The following GBF1 variants were observed in gnomAD, a reference collection of about 807,000 sequenced individuals.
GBF1 encodes the protein Golgi-specific brefeldin A-resistance guanine nucleotide exchange factor 1.
In GBF1, 114 loss-of-function variants were observed where a neutral mutation model predicts 210.5. The ratio of observed to expected loss-of-function variants is 0.54; its 90% CI spans 0.47 to 0.63. The LOEUF (loss-of-function observed/expected upper bound fraction) is 0.63. GBF1 is among the 30% of genes least tolerant of loss of function. GBF1 has a pLI of 0.00. For synonymous variants in GBF1, 850 were observed against 889.2 expected (o/e 0.96, Z 0.78); for missense variants, 1,851 against 2,357.7 (o/e 0.79, Z 4.45).
At chr10:102,238,567 C>T in the GBF1 span, among the ~76,000 whole-genome samples, 1 of 152,212 alleles carries the variant, frequency 6.6e-6, no homozygotes, top group Non-Finnish European at 1.5e-5. Flanking sequence ...GATTAGGCTG[C>T]TCTAAGTCTC....
intron 3 of GBF1, among the ~76,000 whole-genome samples, chr10:102,331,339 A>T (rs17780834): frequency 0.041 from 6,197 of 152,192 alleles, 181 homozygotes; most frequent in Non-Finnish European, 0.06. Flanking sequence ...TCCATAAAGT[A>T]CTTATCAGTG....
intron 3 of GBF1, among the ~76,000 whole-genome samples, chr10:102,289,472 C>A (rs561152161): frequency 6.6e-6 from 1 of 152,304 alleles, no homozygotes; most frequent in Admixed American, 6.5e-5. Flanking sequence ...CGCCTGTAAT[C>A]CCAGCTACTT....
In GBF1 at chr10:102,260,030, TTAATC is replaced by T; in HGVS notation, c.97-17_97-13del. ...TCTTTTGGCCCAATAATGACTTACT[TTAATC>T]TATGTGTTCTACAGGATGAAGAACG... On this transcript the variant is annotated splice_polypyrimidine_tract_variant and intron_variant, in intron 2 of 39. Transcript: ENST00000369983. 6.9e-7 allele frequency: 1 copy of T among 1,458,456 alleles called. No individual in the cohort carries two copies. 90.3% of individuals were successfully genotyped at this position (1,458,456 alleles called of 1,614,324 possible).
chr10:102,244,436 A>C (rs1043548639), upstream of GBF1, among the ~76,000 whole-genome samples: 6 of 152,178 alleles, frequency 3.9e-5, no homozygotes, highest in Admixed American at 1.3e-4. Context: ...TCCTCTTCTC[A>C]CGCATTCTCA....
intron 32 of GBF1, 55 bp from the exon 33 acceptor site, chr10:102,376,880 G>A: frequency 1.2e-6 from 2 of 1,601,358 alleles, no homozygotes; most frequent in Admixed American, 1.7e-5. Context: ...AGAAAAGGCA[G>A]GGTATCTATG....
chr10:102,286,802 T>G (rs1395791152), intron 3 of GBF1, among the ~76,000 whole-genome samples: 2 of 152,228 alleles, frequency 1.3e-5, no homozygotes, highest in Admixed American at 6.5e-5. Context: ...TAGACATATA[T>G]CTCTGGGGAT....
intron 29 of GBF1, among the ~76,000 whole-genome samples, chr10:102,373,158 G>A (rs948822870): frequency 2.6e-5 from 4 of 152,194 alleles, no homozygotes; most frequent in East Asian, 1.9e-4. Context: ...AAACACAACA[G>A]TGATAAAACA....
At chr10:102,282,599 T>C (rs1589475414) in intron 3 of GBF1, among the ~76,000 whole-genome samples, 1 of 152,236 alleles carries the variant, frequency 6.6e-6, no homozygotes, top group African/African-American at 2.4e-5. Flanking sequence ...TTGATTCTGC[T>C]ATGTCTACCA....
intron 3 of GBF1, among the ~76,000 whole-genome samples, chr10:102,290,339 A>C (rs565050103): frequency 6.6e-6 from 1 of 152,240 alleles, no homozygotes; most frequent in East Asian, 1.9e-4. Context: ...TTTTCCATGC[A>C]TTTACCTAAT....
intron 3 of GBF1, among the ~76,000 whole-genome samples, chr10:102,295,613 G>A (rs1342280631): frequency 1.3e-5 from 2 of 152,136 alleles, no homozygotes; most frequent in Admixed American, 1.3e-4. Context: ...AACAAGATAA[G>A]CCCTAAGTTG....
chr10:102,370,050 C>G (rs1418187571), intron 26 of GBF1, 66 bp downstream of exon 26: 2 of 1,586,800 alleles, frequency 1.3e-6, no homozygotes, highest in African/African-American at 2.7e-5. Flanking sequence ...ACTTGGTGAA[C>G]TGAAGAATAA....
Position 102,366,960 on chromosome 10 carries a change from G to T in GBF1, c.2434-125G>T. The stretch of plus-strand genomic sequence containing the variant: ...GAGATCAGCTTCTGTTAAGGAGTTG[G>T]CAAGAGACTGGCCACTTTCTGGATG... On this transcript the variant is annotated intron_variant, in intron 19 of 39. Transcript: ENST00000369983. This position sits in a 1 kb window ranked among gnomAD's most constrained non-coding sequence, Gnocchi z 4.0. The T allele has an allele frequency of 9.8e-7, 1 of 1,018,624 alleles. No homozygotes were observed. 63.1% of individuals were successfully genotyped at this position (1,018,624 alleles called of 1,614,324 possible).
At chr10:102,379,484 G>A (rs1348041813) in intron 34 of GBF1, 37 bp from the exon 35 acceptor site, 1 of 1,613,930 alleles carries the variant, frequency 6.2e-7, no homozygotes, top group Non-Finnish European at 8.5e-7. Context: ...TCAGGATCAA[G>A]ATGCCTGAAG....
At chr10:102,284,446 C>A (rs1050426584) in intron 3 of GBF1, among the ~76,000 whole-genome samples, 1 of 152,170 alleles carries the variant, frequency 6.6e-6, no homozygotes, top group African/African-American at 2.4e-5. Flanking sequence ...CCCCTGGTAG[C>A]CATCCATCTG....
intron 3 of GBF1, among the ~76,000 whole-genome samples, chr10:102,338,855 A>G (rs1428207890): frequency 6.6e-6 from 1 of 152,110 alleles, no homozygotes; most frequent in Admixed American, 6.5e-5. Context: ...GAAGATCTGA[A>G]TAATGGAGAG....
chr10:102,335,749 T>C (rs1255035253), intron 3 of GBF1, among the ~76,000 whole-genome samples: 1 of 152,188 alleles, frequency 6.6e-6, no homozygotes, highest in Non-Finnish European at 1.5e-5. Flanking sequence ...TGAAGGTATG[T>C]AAAGTGCATA....
At chr10:102,316,125 C>T (rs1417133288) in intron 3 of GBF1, among the ~76,000 whole-genome samples, 10 of 138,378 alleles carry the variant, frequency 7.2e-5, no homozygotes, top group Non-Finnish European at 1.5e-4. Flanking sequence ...CTCACTCTGT[C>T]GCCCAAGCTG....
chr10:102,238,342 C>T, the GBF1 span, among the ~76,000 whole-genome samples: 1 of 152,206 alleles, frequency 6.6e-6, no homozygotes, highest in Non-Finnish European at 1.5e-5. Flanking sequence ...TAGCCTGCTG[C>T]GTTTGCCCTC....
the GBF1 span, chr10:102,231,149 C>A: frequency 6.8e-7 from 1 of 1,464,122 alleles, no homozygotes; most frequent in Non-Finnish European, 9.0e-7. Flanking sequence ...CGGGTCCCAG[C>A]GGCTGAAGGG....
Sources: gnomAD v4.1 joint callset for allele counts (sites outside exome capture counted in the v4.1 genomes callset) on GRCh38, gnomAD v4.1.1 for gene constraint, Gnocchi (gnomAD v3.1) non-coding constraint, MANE v1.5 for transcripts, NCBI Gene and HGNC (gene_info 2026-07-23, HGNC 2026-07-21) for gene names.